SERPINA4: variants seen among roughly 807,000 people sequenced by gnomAD.
SERPINA4 encodes the protein kallistatin.
A neutral mutation model predicts 25.4 loss-of-function variants in SERPINA4; 24 were observed. That is an observed-to-expected ratio of 0.95 (90% CI 0.69 to 1.33). The LOEUF (loss-of-function observed/expected upper bound fraction) is 1.33. Ranked by LOEUF, SERPINA4 falls within the 40% of genes most tolerant of loss-of-function variation. The probability of loss-of-function intolerance (pLI) is 0.00; values close to 1 mark genes in which losing one functional copy is unlikely to be tolerated. For missense variants in SERPINA4, 553 were observed against 535.8 expected, an observed-to-expected ratio of 1.03 and a Z score of -0.32; for synonymous variants, 242 against 223.6, an observed-to-expected ratio of 1.08 and a Z score of -0.73.
intron 1 of SERPINA4, among the ~76,000 whole-genome samples, chr14:94,562,864 T>A (rs373038050): frequency 2.0e-5 from 3 of 152,154 alleles, no homozygotes; most frequent in East Asian, 3.9e-4. Context: ...ATCCATGTCC[T>A]TGTCTGTACG....
At chr14:94,567,842 C>T (rs1412321501) in intron 3 of SERPINA4, among the ~76,000 whole-genome samples, 3 of 152,338 alleles carry the variant, frequency 2.0e-5, no homozygotes, top group South Asian at 2.1e-4. Flanking sequence ...AAACTGCCAC[C>T]TGGCGAGGCT....
chr14:94,567,315 G>A, intron 3 of SERPINA4, 72 bp downstream of exon 3: 1 of 1,502,296 alleles, frequency 6.7e-7, no homozygotes, highest in Non-Finnish European at 8.9e-7. Flanking sequence ...GAAAGACAGT[G>A]CCCCAAAATA....
At chr14:94,562,793 G>T (rs781055204) in intron 1 of SERPINA4, among the ~76,000 whole-genome samples, 3 of 152,154 alleles carry the variant, frequency 2.0e-5, no homozygotes, top group Non-Finnish European at 4.4e-5. Flanking sequence ...TTGGACAGAT[G>T]TTCATTATGA....
At chr14:94,564,226 A>G (rs1566829399) in intron 2 of SERPINA4, 95 bp downstream of exon 2, 7 of 1,330,196 alleles carry the variant, frequency 5.3e-6, no homozygotes, top group East Asian at 4.6e-5. Context: ...CAAAAATGTA[A>G]GTAAAAACGT....
At position 94,569,540 on chromosome 14, in the gene SERPINA4, C is replaced by T. The variant is rs376945073; in HGVS notation, c.1229C>T (p.Thr410Ile). Residue 410 changes from threonine to isoleucine, a missense_variant, in exon 5 of 5, where the codon ACC becomes ATC. Coordinates refer to ENST00000557004, the MANE Select transcript of SERPINA4 (RefSeq NM_006215.4). ...CCCTTCCTTGTGGTGATCTTTTCCA[C>T]CAGCACCCAGAGTGTCCTCTTTCTG... The part of the protein sequence containing the change: ...NRPFLVVIFS[T>I]STQSVLFLGK... The T allele has an allele frequency of 1.3e-5, 21 of 1,614,090 alleles. No homozygotes were observed. The African/African-American group carries it at 2.5e-4, about 19-fold the overall frequency.
At chr14:94,561,693 T>C in intron 1 of SERPINA4, 199 bp downstream of exon 1, 4 of 1,289,352 alleles carry the variant, frequency 3.1e-6, no homozygotes, top group Non-Finnish European at 4.0e-6. Flanking sequence ...CGACTTAGGG[T>C]CCATGGGCAC....
Position 94,569,485 on chromosome 14 carries a change from A to T in SERPINA4, c.1174A>T (p.Thr392Ser). The change falls in exon 5 of 5, where the codon ACC (threonine) becomes TCC (serine). Residue 392 changes from threonine (T) to serine (S), a missense_variant. Transcript: ENST00000557004. ...SFAIKFFSAQ[T>S]NRHILRFNRP... ...CGCGATCAAATTCTTCTCTGCCCAG[A>T]CCAATCGCCACATCCTGCGATTCAA... The T allele has an allele frequency of 1.2e-6, 2 of 1,614,106 alleles. No homozygotes were observed. Among genetic ancestry groups the T allele is most frequent in the Non-Finnish European group, 1.7e-6 (2 of 1,180,030 alleles).
At chr14:94,562,612 A>T (rs1335406874) in intron 1 of SERPINA4, among the ~76,000 whole-genome samples, 8 of 152,178 alleles carry the variant, frequency 5.3e-5, no homozygotes, top group Admixed American at 5.2e-4. Flanking sequence ...CAAACAAACA[A>T]ACAAACAACC....
rs777011643 is a variant in SERPINA4, at chr14:94,569,545, A to G, written c.1234A>G (p.Thr412Ala). ...CCTTGTGGTGATCTTTTCCACCAGC[A>G]CCCAGAGTGTCCTCTTTCTGGGCAA... ...PFLVVIFSTS[T>A]QSVLFLGKVV... is the part of the protein sequence containing the mutation. Residue 412 changes from threonine to alanine, a missense_variant, in exon 5 of 5, where the codon ACC becomes GCC. Physicochemically the swap from Thr to Ala is moderately conservative, Grantham distance 58. Transcript: ENST00000557004. The G allele has an allele frequency of 6.2e-7, 1 of 1,614,140 alleles. No individual in the cohort carries two copies. Among genetic ancestry groups the G allele is most frequent in the Non-Finnish European group, 8.5e-7 (1 of 1,180,030 alleles).
Position 94,569,652 on chromosome 14 carries a change from G to C in SERPINA4, c.*57G>C. The C allele has an allele frequency of 5.7e-6, 9 of 1,569,140 alleles. No individual in the cohort carries two copies. The highest frequency in any genetic ancestry group is 7.9e-6 in the Non-Finnish European group (9 of 1,141,020). ...GGAGGATGTGGCAGGGGAGGGCTGG[G>C]AGTGAGTAGCTCTGTGTTTAGAGTT... On this transcript the variant is annotated 3_prime_UTR_variant, in exon 5 of 5. Coordinates refer to ENST00000557004, the MANE Select transcript of SERPINA4 (RefSeq NM_006215.4).
intron 4 of SERPINA4, 145 bp downstream of exon 4, chr14:94,568,433 A>C: frequency 2.4e-6 from 2 of 833,730 alleles, no homozygotes; most frequent in Non-Finnish European, 3.7e-6. Flanking sequence ...GCATCCACCA[A>C]TCAACCAGCC....
At chr14:94,568,995 A>G (rs894729387) in intron 4 of SERPINA4, among the ~76,000 whole-genome samples, 1 of 152,188 alleles carries the variant, frequency 6.6e-6, no homozygotes, top group African/African-American at 2.4e-5. Flanking sequence ...TGATAAGAAA[A>G]GTGCACGAGG....
intron 1 of SERPINA4, 155 bp downstream of exon 1, chr14:94,561,649 C>G: frequency 2.3e-6 from 3 of 1,286,942 alleles, no homozygotes; most frequent in South Asian, 1.2e-5. Context: ...GTCACTCTTG[C>G]TAGAGGTGAG....
intron 2 of SERPINA4, among the ~76,000 whole-genome samples, chr14:94,564,512 A>C (rs1902139026): frequency 6.6e-6 from 1 of 152,232 alleles, no homozygotes; most frequent in African/African-American, 2.4e-5. Flanking sequence ...TTGAGGATCA[A>C]ATGATTAACC....
intron 1 of SERPINA4, 115 bp downstream of exon 1, chr14:94,561,609 A>T: frequency 8.0e-7 from 1 of 1,247,706 alleles, no homozygotes; most frequent in African/African-American, 1.6e-5. Context: ...TGCTAAAACC[A>T]GGAAAGTCCC....
intron 1 of SERPINA4, 43 bp downstream of exon 1, chr14:94,561,537 G>A: frequency 3.1e-6 from 2 of 650,868 alleles, no homozygotes; most frequent in South Asian, 1.8e-5. Flanking sequence ...GACTCTAGAG[G>A]GAGGGTGACC....
At chr14:94,564,227 G>A in intron 2 of SERPINA4, 96 bp downstream of exon 2, 1 of 1,326,978 alleles carries the variant, frequency 7.5e-7, no homozygotes, top group South Asian at 1.3e-5. Context: ...AAAAATGTAA[G>A]TAAAAACGTT....
chr14:94,567,925 A>T (rs1902272174), intron 3 of SERPINA4, among the ~76,000 whole-genome samples: 1 of 152,200 alleles, frequency 6.6e-6, no homozygotes, highest in Admixed American at 6.5e-5. Context: ...AGGACGGGAG[A>T]TCCCACAGAC....
At chr14:94,565,562 T>G (rs1029142132) in intron 2 of SERPINA4, among the ~76,000 whole-genome samples, 2 of 152,154 alleles carry the variant, frequency 1.3e-5, no homozygotes, top group Admixed American at 6.5e-5. Flanking sequence ...AAGCTTTGTT[T>G]TGAGGCTGGG....
Sources: allele counts gnomAD v4.1 joint callset (sites outside exome capture counted in the v4.1 genomes callset), GRCh38; gene constraint gnomAD v4.1.1; transcripts MANE v1.5; gene names NCBI Gene and HGNC (gene_info 2026-07-23, HGNC 2026-07-21).